SPATA13: variants seen among roughly 807,000 people sequenced by gnomAD.
SPATA13 encodes the protein spermatogenesis associated 13.
Under a neutral mutation model 104.0 loss-of-function variants are expected in SPATA13, and 50 were observed. The observed-to-expected ratio is 0.48, with a 90% CI of 0.38 to 0.61. The LOEUF is 0.61. Among genes scored for constraint, SPATA13 ranks in the 20% least tolerant of loss-of-function variants. The pLI is 0.00. For missense variants in SPATA13, 1,524 were observed against 1,690.6 expected, an observed-to-expected ratio of 0.90 and a Z score of 1.73; for synonymous variants, 606 against 667.5, an observed-to-expected ratio of 0.91 and a Z score of 1.42.
chr13:24,265,126 T>C (rs1329374353), intron 4 of SPATA13, among the ~76,000 whole-genome samples: 1 of 152,222 alleles, frequency 6.6e-6, no homozygotes, highest in Non-Finnish European at 1.5e-5. Flanking sequence ...TTTGCCCTTG[T>C]ACTTCAGGCT....
intron 1 of SPATA13, among the ~76,000 whole-genome samples, chr13:24,176,105 A>T (rs924680533): frequency 3.9e-5 from 6 of 152,198 alleles, no homozygotes; most frequent in African/African-American, 1.2e-4. Flanking sequence ...TTCTTTCTTA[A>T]GTGTGATTGT....
chr13:24,030,328 A>G (rs1460724744), intron 3 of SPATA13, among the ~76,000 whole-genome samples: 1 of 152,162 alleles, frequency 6.6e-6, no homozygotes, highest in Admixed American at 6.5e-5. Context: ...CCTGTACTTC[A>G]TATTTTATTT....
At chr13:24,209,497 G>A (rs929084983) in intron 1 of SPATA13, among the ~76,000 whole-genome samples, 7 of 152,146 alleles carry the variant, frequency 4.6e-5, no homozygotes, top group South Asian at 2.1e-4. Context: ...TCAGTTCTGC[G>A]TGTTAAGTGA....
At chr13:24,232,879 A>G (rs1017799184) in intron 2 of SPATA13, among the ~76,000 whole-genome samples, 2 of 152,164 alleles carry the variant, frequency 1.3e-5, no homozygotes, top group African/African-American at 2.4e-5. Context: ...AAGAGTCAAA[A>G]TTCTTAGTTT....
intron 3 of SPATA13, among the ~76,000 whole-genome samples, chr13:24,053,442 C>A (rs1319958937): frequency 2.0e-5 from 3 of 152,132 alleles, no homozygotes; most frequent in Admixed American, 6.5e-5. Context: ...AAGTAAGTAC[C>A]AACACCTCCT....
At chr13:24,085,792 C>T (rs1013700266) in intron 3 of SPATA13, among the ~76,000 whole-genome samples, 1 of 152,222 alleles carries the variant, frequency 6.6e-6, no homozygotes, top group African/African-American at 2.4e-5. Flanking sequence ...AGGCGAGACC[C>T]AGAGTTTCAT....
intron 1 of SPATA13, among the ~76,000 whole-genome samples, chr13:24,199,019 G>T (rs7322015): frequency 0.55 from 81,195 of 147,348 alleles, 22,861 homozygotes; most frequent in Non-Finnish European, 0.63. Flanking sequence ...TTCATTCTTT[G>T]TTCTCTTTTC....
chr13:24,091,094 C>A (rs1879895533), intron 3 of SPATA13, among the ~76,000 whole-genome samples: 1 of 152,168 alleles, frequency 6.6e-6, no homozygotes, highest in African/African-American at 2.4e-5. Context: ...AGTTTTTCAG[C>A]CTTTGCTGAG....
At chr13:24,244,985 G>T (rs1873037895) in intron 2 of SPATA13, among the ~76,000 whole-genome samples, 1 of 152,216 alleles carries the variant, frequency 6.6e-6, no homozygotes. Context: ...TAGAGCTCTG[G>T]CTGGATTGTT....
chr13:24,113,763 G>A (rs1210968939), intron 3 of SPATA13, among the ~76,000 whole-genome samples: 6 of 151,364 alleles, frequency 4.0e-5, no homozygotes, highest in African/African-American at 1.2e-4. Flanking sequence ...CCACCTACTC[G>A]GGAGGCTGAG....
At chr13:24,111,554 C>T (rs1002793362) in intron 3 of SPATA13, among the ~76,000 whole-genome samples, 6 of 152,108 alleles carry the variant, frequency 3.9e-5, no homozygotes, top group Admixed American at 6.5e-5. Context: ...ACCACAGGTA[C>T]ACACCACCAC....
intron 3 of SPATA13, among the ~76,000 whole-genome samples, chr13:24,105,317 G>C (rs957203653): frequency 1.1e-4 from 16 of 151,902 alleles, no homozygotes; most frequent in African/African-American, 3.9e-4. Context: ...TGTATTTTGG[G>C]GGGTAGAGAC....
chr13:24,173,859 T>C (rs1409152058), intron 1 of SPATA13, among the ~76,000 whole-genome samples: 1 of 152,230 alleles, frequency 6.6e-6, no homozygotes, highest in Non-Finnish European at 1.5e-5. Context: ...TTTATATGTA[T>C]TGCTGAATTC....
chr13:24,086,825 G>GTC (rs1283318101), intron 3 of SPATA13, among the ~76,000 whole-genome samples: 1 of 152,126 alleles, frequency 6.6e-6, no homozygotes, highest in Admixed American at 6.5e-5. Context: ...GGTAGTGGCA[G>GTC]CAGCTGAAGC....
chr13:23,993,452 T>TACGGCAATAAGGCTTCTCTGCA (rs1311690917), intron 2 of SPATA13, among the ~76,000 whole-genome samples: 6 of 152,254 alleles, frequency 3.9e-5, no homozygotes, highest in Non-Finnish European at 8.8e-5. Context: ...TCTGCACATT[T>TACGGCAATAAGGCTTCTCTGCA]ACGGCAATAA....
chr13:24,082,236 G>A (rs1879545509), intron 3 of SPATA13, among the ~76,000 whole-genome samples: 1 of 152,250 alleles, frequency 6.6e-6, no homozygotes, highest in Non-Finnish European at 1.5e-5. Flanking sequence ...TTCAGAAAGA[G>A]TGAGCTACTC....
At chr13:24,082,427 C>T (rs1049538016) in intron 3 of SPATA13, among the ~76,000 whole-genome samples, 5 of 152,086 alleles carry the variant, frequency 3.3e-5, no homozygotes, top group Admixed American at 3.3e-4. Context: ...GGAGAATTCA[C>T]CTTGAGATGA....
At chr13:24,039,593 G>A (rs1877837057) in intron 3 of SPATA13, among the ~76,000 whole-genome samples, 1 of 152,130 alleles carries the variant, frequency 6.6e-6, no homozygotes, top group African/African-American at 2.4e-5. Context: ...GAATTCTTGG[G>A]CCTCGAGGGG....
intron 1 of SPATA13, among the ~76,000 whole-genome samples, chr13:24,213,158 TG>T (rs1287687082): frequency 1.3e-5 from 2 of 152,114 alleles, no homozygotes; most frequent in Non-Finnish European, 2.9e-5. Context: ...AGGAACATTG[TG>T]GGGGTGAGAG....
Sources: allele counts gnomAD v4.1 joint callset (sites outside exome capture counted in the v4.1 genomes callset), GRCh38; gene constraint gnomAD v4.1.1; transcripts MANE v1.5; gene names NCBI Gene and HGNC (gene_info 2026-07-23, HGNC 2026-07-21).